LAMA2: variants seen among roughly 807,000 people sequenced by gnomAD.
The protein encoded by LAMA2 is laminin subunit alpha 2.
In LAMA2, 269 loss-of-function variants were observed where a neutral mutation model predicts 364.8. That is an observed-to-expected ratio of 0.74 (90% CI 0.67 to 0.82). The LOEUF (loss-of-function observed/expected upper bound fraction) is 0.82. Ranked by LOEUF, LAMA2 falls within the 40% of genes least tolerant of loss-of-function variation. The probability of loss-of-function intolerance (pLI) is 0.00; values close to 1 mark genes in which losing one functional copy is unlikely to be tolerated. For missense variants in LAMA2, 3,807 were observed against 3,873.2 expected (o/e 0.98, Z 0.45); for synonymous variants, 1,379 against 1,370.6 (o/e 1.01, Z -0.14).
At chr6:129,033,107 T>A (rs1291657349) in intron 1 of LAMA2, among the ~76,000 whole-genome samples, 1 of 151,968 alleles carries the variant, frequency 6.6e-6, no homozygotes, top group East Asian at 1.9e-4. Flanking sequence ...AGTTATTGAC[T>A]CTACAGATGG....
intron 34 of LAMA2, among the ~76,000 whole-genome samples, chr6:129,376,973 T>A (rs1005605900): frequency 5.3e-5 from 8 of 152,198 alleles, no homozygotes; most frequent in African/African-American, 1.9e-4. Flanking sequence ...TTTGTTTAAT[T>A]AATTGTGAAT....
chr6:129,114,575 T>C (rs2114907024), intron 4 of LAMA2, among the ~76,000 whole-genome samples: 1 of 152,168 alleles, frequency 6.6e-6, no homozygotes, highest in South Asian at 2.1e-4. Context: ...TAAGAATGAA[T>C]GTTTTCTGTA....
intron 40 of LAMA2, among the ~76,000 whole-genome samples, chr6:129,404,961 T>C (rs6922936): frequency 0.5 from 76,270 of 151,822 alleles, 19,652 homozygotes; most frequent in African/African-American, 0.62. Flanking sequence ...CTGTTTTTGG[T>C]TTCTCTTGAG....
chr6:129,119,132 C>A (rs1252024251), intron 4 of LAMA2, among the ~76,000 whole-genome samples: 1 of 152,138 alleles, frequency 6.6e-6, no homozygotes, highest in Non-Finnish European at 1.5e-5. Flanking sequence ...ATTTTTTATG[C>A]ATAAGTGAAG....
chr6:129,445,886 T>A, intron 45 of LAMA2, 65 bp downstream of exon 45: 1 of 1,453,600 alleles, frequency 6.9e-7, no homozygotes, highest in Non-Finnish European at 9.6e-7. Flanking sequence ...ATAGAGGGAA[T>A]GTCTTTCCCC....
chr6:128,901,190 T>C (rs1315641588), intron 1 of LAMA2, among the ~76,000 whole-genome samples: 2 of 152,148 alleles, frequency 1.3e-5, no homozygotes, highest in Non-Finnish European at 2.9e-5. Context: ...CATTATTTGA[T>C]CCAAAACAAA....
At chr6:129,187,810 C>T (rs982397272) in intron 10 of LAMA2, among the ~76,000 whole-genome samples, 3 of 151,664 alleles carry the variant, frequency 2.0e-5, no homozygotes, top group East Asian at 1.9e-4. Flanking sequence ...CATATAGGTG[C>T]CCCCAAAGTT....
chr6:129,332,365 G>T (rs1775706148), intron 29 of LAMA2, among the ~76,000 whole-genome samples: 1 of 151,784 alleles, frequency 6.6e-6, no homozygotes. Flanking sequence ...TTACCTTTTA[G>T]CTCTTATTAC....
chr6:129,210,650 A>T (rs1783036915), intron 12 of LAMA2, among the ~76,000 whole-genome samples: 1 of 152,174 alleles, frequency 6.6e-6, no homozygotes, highest in Non-Finnish European at 1.5e-5. Flanking sequence ...TCTGCTACCC[A>T]CTAGCCAGTT....
chr6:129,415,224 C>A (rs1009568390), intron 40 of LAMA2, among the ~76,000 whole-genome samples: 4 of 152,144 alleles, frequency 2.6e-5, no homozygotes, highest in South Asian at 2.1e-4. Context: ...TATCTATAAC[C>A]ATAATTGTGC....
In LAMA2 at chr6:128,991,514, G is replaced by T. The variant is rs148750469; in HGVS notation, c.113-58404G>T. ...TAACATTGCATAAAAACTTGTTTTA[G>T]AATTCTTTACACTAAATTAAAGATG... On this transcript the variant is annotated intron_variant, in intron 1 of 64. Transcript: ENST00000421865. Among the ~76,000 whole-genome samples the T allele has an allele frequency of 5.3e-3, 802 of 152,256 alleles. 8 individuals are homozygous for T. Among genetic ancestry groups the T allele is most frequent in the African/African-American group, 0.018 (764 of 41,568 alleles).
At chr6:129,319,994 G>A (rs1007423508) in intron 27 of LAMA2, among the ~76,000 whole-genome samples, 13 of 152,060 alleles carry the variant, frequency 8.5e-5, no homozygotes, top group Admixed American at 2.0e-4. Context: ...TTAGCTGGGC[G>A]TGGTGTTGCA....
intron 12 of LAMA2, among the ~76,000 whole-genome samples, chr6:129,204,525 A>G (rs1464751851): frequency 6.6e-6 from 1 of 152,158 alleles, no homozygotes; most frequent in Non-Finnish European, 1.5e-5. Flanking sequence ...CGACAGGGTA[A>G]ACACCATGTG....
chr6:129,385,586 G>GA (rs1430792013), intron 35 of LAMA2, among the ~76,000 whole-genome samples: 4 of 152,030 alleles, frequency 2.6e-5, no homozygotes, highest in Non-Finnish European at 5.9e-5. Context: ...TTCATTATGA[G>GA]TCATGACCTC....
intron 1 of LAMA2, among the ~76,000 whole-genome samples, chr6:128,951,614 A>G (rs563718564): frequency 6.6e-6 from 1 of 152,130 alleles, no homozygotes; most frequent in African/African-American, 2.4e-5. Context: ...GGAGTAATAC[A>G]AACTCCAAGT....
At chr6:129,428,301 G>A (rs1781423027) in intron 41 of LAMA2, among the ~76,000 whole-genome samples, 2 of 152,102 alleles carry the variant, frequency 1.3e-5, no homozygotes, top group Non-Finnish European at 1.5e-5. Flanking sequence ...AGGTGTAGCA[G>A]CGTGAGCACA....
chr6:129,174,963 A>G (rs780054355), intron 9 of LAMA2, among the ~76,000 whole-genome samples: 3 of 152,210 alleles, frequency 2.0e-5, no homozygotes, highest in Non-Finnish European at 4.4e-5. Context: ...TAAGATAGAC[A>G]TTGTTTAATA....
intron 37 of LAMA2, among the ~76,000 whole-genome samples, chr6:129,395,313 T>G (rs533166474): frequency 6.6e-6 from 1 of 152,318 alleles, no homozygotes; most frequent in East Asian, 1.9e-4. Context: ...ACTCAAAAAC[T>G]TTTTATTTAT....
intron 1 of LAMA2, among the ~76,000 whole-genome samples, chr6:128,986,924 C>CT (rs1783277308): frequency 6.6e-6 from 1 of 151,982 alleles, no homozygotes; most frequent in Non-Finnish European, 1.5e-5. Context: ...TCCATTCATC[C>CT]TGTTTTCTTC....
Sources: allele counts gnomAD v4.1 joint callset (sites outside exome capture counted in the v4.1 genomes callset), GRCh38; gene constraint gnomAD v4.1.1; transcripts MANE v1.5; gene names NCBI Gene and HGNC (gene_info 2026-07-23, HGNC 2026-07-21).